The following NEK1 variants were observed in gnomAD, a reference collection of about 807,000 sequenced individuals.
NEK1 encodes NIMA related kinase 1, also known as serine/threonine-protein kinase Nek1.
A neutral mutation model predicts 182.1 loss-of-function variants in NEK1; 137 were observed. The observed-to-expected ratio is 0.75, with a 90% confidence interval of 0.65 to 0.87. The LOEUF (loss-of-function observed/expected upper bound fraction) is 0.87, where lower values mean the gene tolerates loss of function less well. NEK1 is among the 40% of genes least tolerant of loss of function. The pLI is 0.00. For missense variants in NEK1, 1,391 were observed against 1,494.4 expected (o/e 0.93, Z 1.14); for synonymous variants, 513 against 492.2 (o/e 1.04, Z -0.56).
At chr4:169,573,726 G>A (rs1162032215) in intron 12 of NEK1, among the ~76,000 whole-genome samples, 1 of 152,224 alleles carries the variant, frequency 6.6e-6, no homozygotes, top group Non-Finnish European at 1.5e-5. Flanking sequence ...AGAAACACAG[G>A]AAGTGGTGAT....
At chr4:169,539,675 G>C (rs1395297898) in intron 18 of NEK1, among the ~76,000 whole-genome samples, 2 of 152,138 alleles carry the variant, frequency 1.3e-5, no homozygotes, top group African/African-American at 4.8e-5. Flanking sequence ...CTAGGCCTGA[G>C]GAAGGCAGAT....
chr4:169,427,410 G>A (rs558023848), intron 29 of NEK1, among the ~76,000 whole-genome samples: 2 of 152,200 alleles, frequency 1.3e-5, no homozygotes, highest in African/African-American at 2.4e-5. Context: ...ACAGGCATGA[G>A]CCACTGCGCC....
chr4:169,432,768 TTTAA>T (rs566380941), intron 29 of NEK1, among the ~76,000 whole-genome samples: 135 of 152,166 alleles, frequency 8.9e-4, no homozygotes, highest in South Asian at 1.5e-3. Context: ...ATCATCATAC[TTTAA>T]TTAATTAATT....
At position 169,590,266 on chromosome 4, in the gene NEK1, G is replaced by A. The variant is rs1428885176; in HGVS notation, c.396+460C>T. On this transcript the variant is annotated intron_variant, in intron 6 of 35. Transcript: ENST00000507142. ...GAGGTTGTGGTGAGCCTGAAATCAC[G>A]CCACTGCACTCCAGCCTGGGCAAAA... 4.6e-5 allele frequency among the ~76,000 whole-genome samples: 7 copies of A among 152,194 alleles called. No individual in the cohort carries two copies. In the South Asian group the frequency reaches 6.2e-4, roughly 14 times the overall value.
intron 27 of NEK1, among the ~76,000 whole-genome samples, chr4:169,441,153 A>G (rs971976102): frequency 2.0e-5 from 3 of 152,152 alleles, no homozygotes; most frequent in East Asian, 3.9e-4. Flanking sequence ...GGAAAAAGGG[A>G]GCTGAAGCAT....
intron 31 of NEK1, among the ~76,000 whole-genome samples, chr4:169,418,776 A>G (rs990921030): frequency 1.3e-5 from 2 of 152,182 alleles, no homozygotes; most frequent in Admixed American, 1.3e-4. Flanking sequence ...AGTCTAACAT[A>G]TGTAACTGGA....
chr4:169,565,753 T>C (rs1580806082), intron 12 of NEK1, among the ~76,000 whole-genome samples: 1 of 152,086 alleles, frequency 6.6e-6, no homozygotes, highest in East Asian at 1.9e-4. Context: ...ATTAAGCAAA[T>C]CTGTATAGAA....
chr4:169,494,103 T>TC (rs1294298713), intron 23 of NEK1, among the ~76,000 whole-genome samples: 1 of 151,616 alleles, frequency 6.6e-6, no homozygotes, highest in East Asian at 1.9e-4. Flanking sequence ...TTTCTTTCTT[T>TC]TTTTTTTTTT....
chr4:169,472,772 T>C (rs1746244613), intron 26 of NEK1, among the ~76,000 whole-genome samples: 2 of 152,204 alleles, frequency 1.3e-5, no homozygotes, highest in African/African-American at 4.8e-5. Context: ...ATTTATTTAA[T>C]AACTACTTTT....
intron 31 of NEK1, among the ~76,000 whole-genome samples, chr4:169,421,016 A>C (rs972265452): frequency 6.6e-6 from 1 of 152,228 alleles, no homozygotes; most frequent in African/African-American, 2.4e-5. Context: ...TAAAGAATGT[A>C]TATATACCAT....
intron 18 of NEK1, among the ~76,000 whole-genome samples, chr4:169,552,326 T>C (rs372056824): frequency 1.4e-5 from 2 of 141,118 alleles, no homozygotes; most frequent in Admixed American, 7.1e-5. Flanking sequence ...ATCAATAAGC[T>C]AAAGAAGAAA....
At chr4:169,398,213 A>C (rs1220609413) in intron 35 of NEK1, among the ~76,000 whole-genome samples, 2 of 152,170 alleles carry the variant, frequency 1.3e-5, no homozygotes, top group African/African-American at 2.4e-5. Context: ...TTTCATTTTG[A>C]TAAAATTTTT....
intron 5 of NEK1, among the ~76,000 whole-genome samples, chr4:169,592,618 T>C (rs533454989): frequency 2.0e-5 from 3 of 152,120 alleles, no homozygotes; most frequent in Middle Eastern, 3.4e-3. Context: ...GGGAAGTGGA[T>C]TGGCAGAAGA....
At chr4:169,492,204 A>C (rs1750223751) in intron 23 of NEK1, among the ~76,000 whole-genome samples, 2 of 152,242 alleles carry the variant, frequency 1.3e-5, no homozygotes, top group African/African-American at 4.8e-5. Context: ...ATGGATGGAA[A>C]AATAAGATTC....
intron 16 of NEK1, 37 bp from the exon 17 acceptor site, chr4:169,556,132 T>C: frequency 6.3e-7 from 1 of 1,586,054 alleles, no homozygotes. Context: ...ATGTTTATCT[T>C]ATAAGGCCTA....
chr4:169,460,853 C>A (rs911930658), intron 27 of NEK1, among the ~76,000 whole-genome samples: 2 of 151,902 alleles, frequency 1.3e-5, no homozygotes, highest in Non-Finnish European at 2.9e-5. Flanking sequence ...CCAAATCGAC[C>A]CTCACAAATA....
chr4:169,426,555 C>A (rs960562003), intron 29 of NEK1, among the ~76,000 whole-genome samples: 3 of 152,202 alleles, frequency 2.0e-5, no homozygotes, highest in African/African-American at 7.2e-5. Context: ...CACCCTTGAC[C>A]TGTGAATCAG....
chr4:169,603,618 C>T (rs770812870), intron 2 of NEK1, among the ~76,000 whole-genome samples: 2 of 151,828 alleles, frequency 1.3e-5, no homozygotes, highest in Non-Finnish European at 2.9e-5. Context: ...TTACTCCATA[C>T]GTCTAATGGG....
At chr4:169,569,638 C>T (rs532227253) in intron 12 of NEK1, among the ~76,000 whole-genome samples, 12 of 151,764 alleles carry the variant, frequency 7.9e-5, no homozygotes, top group African/African-American at 2.4e-4. Context: ...ATTGCAGGCG[C>T]GCGCCACCAC....
Sources: allele counts gnomAD v4.1 joint callset (sites outside exome capture counted in the v4.1 genomes callset), GRCh38; gene constraint gnomAD v4.1.1; transcripts MANE v1.5; gene names NCBI Gene and HGNC (gene_info 2026-07-23, HGNC 2026-07-21).